Variants in RBFOX1 observed in about 807,000 individuals in gnomAD.
The protein encoded by RBFOX1 is RNA binding fox-1 homolog 1.
Under a neutral mutation model 57.7 loss-of-function variants are expected in RBFOX1, and 8 were observed. The ratio of observed to expected loss-of-function variants is 0.14; its 90% CI spans 0.08 to 0.25. The LOEUF (loss-of-function observed/expected upper bound fraction) is 0.25. Ranked by LOEUF, RBFOX1 falls within the 10% of genes least tolerant of loss-of-function variation. RBFOX1 has a pLI of 1.00. For synonymous variants in RBFOX1, 326 were observed against 222.4 expected (o/e 1.47, Z -4.15); for missense variants, 611 against 548.5 (o/e 1.11, Z -1.14).
intron 2 of RBFOX1, among the ~76,000 whole-genome samples, chr16:6,641,425 C>T (rs2098486552): frequency 6.6e-6 from 1 of 152,092 alleles, no homozygotes; most frequent in Admixed American, 6.6e-5. Context: ...GATGCAGACA[C>T]TCATCCTCAT....
At chr16:6,329,525 T>A (rs1488519443) in intron 2 of RBFOX1, among the ~76,000 whole-genome samples, 1 of 152,150 alleles carries the variant, frequency 6.6e-6, no homozygotes, top group Non-Finnish European at 1.5e-5. Flanking sequence ...GTAAGTCTCA[T>A]CAAAGAAATA....
chr16:6,625,778 TA>T (rs1233405215), intron 2 of RBFOX1, among the ~76,000 whole-genome samples: 1 of 152,236 alleles, frequency 6.6e-6, no homozygotes, highest in Non-Finnish European at 1.5e-5. Flanking sequence ...TGCATTAAAT[TA>T]GAGCCTCTAT....
chr16:5,913,093 G>A (rs556938485), intron 4 of RBFOX1, among the ~76,000 whole-genome samples: 1 of 152,326 alleles, frequency 6.6e-6, no homozygotes, highest in Admixed American at 6.5e-5. Flanking sequence ...GCTGCATGTA[G>A]TAGCTATGTG....
At chr16:6,367,363 C>G (rs1447341906) in intron 2 of RBFOX1, among the ~76,000 whole-genome samples, 2 of 152,070 alleles carry the variant, frequency 1.3e-5, no homozygotes, top group Admixed American at 6.5e-5. Context: ...CTCTGCCTCC[C>G]GGGTTCAGGT....
chr16:5,877,154 C>T (rs531517723), intron 4 of RBFOX1, among the ~76,000 whole-genome samples: 2 of 152,312 alleles, frequency 1.3e-5, no homozygotes, highest in African/African-American at 4.8e-5. Context: ...ATTGTGTCTG[C>T]TCTCCAGGCT....
At chr16:5,406,993 C>A (rs141664512) in intron 1 of RBFOX1, among the ~76,000 whole-genome samples, 1 of 152,126 alleles carries the variant, frequency 6.6e-6, no homozygotes, top group Non-Finnish European at 1.5e-5. Context: ...TTTCACACTG[C>A]TATATAAAGA....
At position 7,130,032 on chromosome 16, in the gene RBFOX1, A is replaced by ATTTTTT. The variant is rs58634498; in HGVS notation, c.27+77947_27+77952dup. On this transcript the variant is annotated intron_variant, in intron 4 of 15. Coordinates refer to ENST00000550418, the MANE Select transcript of RBFOX1 (RefSeq NM_018723.4). ...CCTCTAATCTTCTTCATTTTTGAAG[A>ATTTTTT]TTTTTTTTTTTTTTTTTTGAGACAG... 1.3e-4 allele frequency among the ~76,000 whole-genome samples: 17 copies of ATTTTTT among 133,388 alleles called. 1 individual carries two copies. Among genetic ancestry groups the ATTTTTT allele is most frequent in the African/African-American group, 4.3e-4 (15 of 35,166 alleles). 87.5% of individuals were successfully genotyped at this position (133,388 alleles called of 152,430 possible). A position where few individuals can be genotyped will look rare whatever the true frequency, so the allele number is the denominator to read the frequency against.
chr16:5,751,812 A>T (rs1245702508), intron 3 of RBFOX1, among the ~76,000 whole-genome samples: 1 of 152,196 alleles, frequency 6.6e-6, no homozygotes, highest in Non-Finnish European at 1.5e-5. Flanking sequence ...ATGGTTTTTT[A>T]TTCCTTATTG....
intron 4 of RBFOX1, among the ~76,000 whole-genome samples, chr16:7,401,998 C>A (rs572813561): frequency 1.3e-5 from 2 of 152,088 alleles, no homozygotes; most frequent in Non-Finnish European, 2.9e-5. Context: ...TGTTCTTTTC[C>A]TTCCCTTTAA....
At chr16:5,293,843 G>A (rs1220519493) in intron 1 of RBFOX1, among the ~76,000 whole-genome samples, 1 of 152,074 alleles carries the variant, frequency 6.6e-6, no homozygotes, top group African/African-American at 2.4e-5. Flanking sequence ...AACTAGACAG[G>A]GATGATGATT....
intron 4 of RBFOX1, among the ~76,000 whole-genome samples, chr16:5,878,267 G>C (rs2057667479): frequency 6.6e-6 from 1 of 152,160 alleles, no homozygotes; most frequent in Non-Finnish European, 1.5e-5. Context: ...GCAGCAGTGA[G>C]AACAGCCAGC....
intron 3 of RBFOX1, among the ~76,000 whole-genome samples, chr16:6,842,860 C>T (rs2093559201): frequency 6.6e-6 from 1 of 151,976 alleles, no homozygotes; most frequent in South Asian, 2.1e-4. Context: ...TGTGATGTTC[C>T]CCTCCCTGTG....
intron 12 of RBFOX1, among the ~76,000 whole-genome samples, chr16:7,657,089 A>G (rs1279836794): frequency 6.6e-6 from 1 of 152,166 alleles, no homozygotes; most frequent in African/African-American, 2.4e-5. Context: ...AGTATCCAAT[A>G]TGAATCTATA....
At chr16:6,532,396 C>T (rs1254290728) in intron 2 of RBFOX1, among the ~76,000 whole-genome samples, 1 of 152,158 alleles carries the variant, frequency 6.6e-6, no homozygotes, top group African/African-American at 2.4e-5. Flanking sequence ...CTAGGCTGTA[C>T]TCCACTCCAG....
intron 1 of RBFOX1, among the ~76,000 whole-genome samples, chr16:5,341,077 A>G (rs372610704): frequency 6.6e-6 from 1 of 152,198 alleles, no homozygotes; most frequent in East Asian, 1.9e-4. Flanking sequence ...CCAGTGCAGC[A>G]GCCTTGAGGC....
At chr16:7,381,259 T>G (rs1352777206) in intron 4 of RBFOX1, among the ~76,000 whole-genome samples, 1 of 152,210 alleles carries the variant, frequency 6.6e-6, no homozygotes, top group Non-Finnish European at 1.5e-5. Context: ...GAAATTTTTA[T>G]GGGCCCTGAC....
At chr16:5,677,190 C>T (rs1322868124) in intron 3 of RBFOX1, among the ~76,000 whole-genome samples, 2 of 152,220 alleles carry the variant, frequency 1.3e-5, no homozygotes, top group South Asian at 4.1e-4. Context: ...TTCTCTTGCT[C>T]TATCTTTCTA....
chr16:6,787,768 G>C (rs958032629), intron 3 of RBFOX1, among the ~76,000 whole-genome samples: 1 of 152,130 alleles, frequency 6.6e-6, no homozygotes, highest in Non-Finnish European at 1.5e-5. Context: ...CCAAAACCTG[G>C]AGTTGTAAAG....
intron 3 of RBFOX1, among the ~76,000 whole-genome samples, chr16:5,685,338 C>G (rs1189944447): frequency 6.6e-6 from 1 of 152,138 alleles, no homozygotes; most frequent in Non-Finnish European, 1.5e-5. Flanking sequence ...AGTTAGCCTC[C>G]AAGTAAGTCA....
Sources: gnomAD v4.1 joint callset for allele counts (sites outside exome capture counted in the v4.1 genomes callset) on GRCh38, gnomAD v4.1.1 for gene constraint, MANE v1.5 for transcripts, NCBI Gene and HGNC (gene_info 2026-07-23, HGNC 2026-07-21) for gene names.